Variants in NAA25 observed in about 807,000 individuals in gnomAD.
NAA25 encodes the protein N-alpha-acetyltransferase 25, NatB auxiliary subunit.
In NAA25, 30 loss-of-function variants were observed where a neutral mutation model predicts 132.5. That is an observed-to-expected ratio of 0.23 (90% CI 0.17 to 0.31). The LOEUF is 0.31. NAA25 is among the 10% of genes least tolerant of loss of function. NAA25 has a pLI of 1.00. For missense variants in NAA25, 771 were observed against 1,150.4 expected, an observed-to-expected ratio of 0.67 and a Z score of 4.77; for synonymous variants, 359 against 401.9, an observed-to-expected ratio of 0.89 and a Z score of 1.28.
intron 1 of NAA25, chr12:112,097,540 G>C (rs1293893680): frequency 6.7e-6 from 1 of 150,316 alleles, no homozygotes; most frequent in Non-Finnish European, 1.5e-5. Flanking sequence ...CCTGGAGGCG[G>C]AGGTTTCAGT....
rs3825388 is a variant in NAA25, at chr12:112,048,147, G to A, written c.1880+145C>T. The A allele has an allele frequency of 0.058, 43,036 of 747,752 alleles. 8,823 individuals are homozygous for A. The East Asian group carries it at 0.64, about 11-fold the overall frequency. 46.3% of individuals were successfully genotyped at this position (747,752 alleles called of 1,614,324 possible). The stretch of plus-strand genomic sequence containing the variant: ...TACTCTACCATTCCCCATGACATGT[G>A]CCAAGTTCTGTTTCCCCACTGTCTC... On this transcript the variant is annotated intron_variant, in intron 16 of 23. Transcript: ENST00000261745.
chr12:112,085,289 G>A (rs1032053079), intron 4 of NAA25, among the ~76,000 whole-genome samples: 1 of 151,780 alleles, frequency 6.6e-6, no homozygotes, highest in Non-Finnish European at 1.5e-5. Context: ...CTACTCGGGA[G>A]GCAGAGGCAG....
intron 1 of NAA25, among the ~76,000 whole-genome samples, chr12:112,102,609 C>A (rs2079309601): frequency 6.6e-6 from 1 of 152,108 alleles, no homozygotes; most frequent in Non-Finnish European, 1.5e-5. Flanking sequence ...GCTCTGTTGC[C>A]CAGGCTGGAG....
intron 10 of NAA25, among the ~76,000 whole-genome samples, chr12:112,070,220 A>G (rs925798331): frequency 6.6e-6 from 1 of 152,214 alleles, no homozygotes; most frequent in Non-Finnish European, 1.5e-5. Context: ...TAGTTTTTCC[A>G]GCAAAATTGT....
At chr12:112,070,438 G>C (rs1052601234) in intron 10 of NAA25, among the ~76,000 whole-genome samples, 1 of 152,052 alleles carries the variant, frequency 6.6e-6, no homozygotes, top group African/African-American at 2.4e-5. Context: ...ATATTCTTTT[G>C]TCAATAGTTT....
At chr12:112,030,981 G>C (rs2078142164) in intron 23 of NAA25, among the ~76,000 whole-genome samples, 1 of 150,780 alleles carries the variant, frequency 6.6e-6, no homozygotes, top group Non-Finnish European at 1.5e-5. Context: ...GACTCACTAA[G>C]TGACCCAGGC....
chr12:112,078,514 G>A (rs1212056323), intron 6 of NAA25, 120 bp downstream of exon 6: 5 of 917,464 alleles, frequency 5.4e-6, no homozygotes, highest in Non-Finnish European at 8.3e-6. Flanking sequence ...TTTACCCAAA[G>A]GCCAAAAGTG....
intron 14 of NAA25, 39 bp from the exon 15 acceptor site, chr12:112,053,696 ATACT>A (rs1291136947): frequency 7.0e-7 from 1 of 1,428,590 alleles, no homozygotes; most frequent in Non-Finnish European, 9.7e-7. Flanking sequence ...AAGACATGTT[ATACT>A]TACTTACCTA....
At chr12:112,063,982 T>G (rs569227037) in intron 11 of NAA25, 10 of 151,934 alleles carry the variant, frequency 6.6e-5, no homozygotes, top group Non-Finnish European at 1.3e-4. Context: ...GCTCAAGCAA[T>G]CCTCCTGCTT....
chr12:112,090,498 G>A (rs1014001930), intron 3 of NAA25: 12 of 405,026 alleles, frequency 3.0e-5, no homozygotes, highest in Admixed American at 1.7e-4. Context: ...CCATTTAGCA[G>A]ATCAAAATAT....
intron 1 of NAA25, among the ~76,000 whole-genome samples, chr12:112,104,575 G>A (rs1651431888): frequency 6.6e-6 from 1 of 152,074 alleles, no homozygotes; most frequent in Non-Finnish European, 1.5e-5. Flanking sequence ...AGTGGCTCAC[G>A]CCTGTAATCC....
Position 112,029,226 on chromosome 12 carries a change from C to T in NAA25, c.*305G>A. On this transcript the variant is annotated 3_prime_UTR_variant, in exon 24 of 24. Transcript: ENST00000261745. ...TATTGCTGTTTTTATAGACCCCCCG[C>T]TCCCCTGAAAAGATGTTTCTGGTGA... The T allele has an allele frequency of 3.2e-6, 1 of 311,316 alleles. No individual in the cohort carries two copies. The highest frequency in any genetic ancestry group is 6.0e-6 in the Non-Finnish European group (1 of 167,012). 19.3% of individuals were successfully genotyped at this position (311,316 alleles called of 1,614,324 possible).
In NAA25 at chr12:112,040,911, A is replaced by G. The variant is rs1171990150; in HGVS notation, c.2441-333T>C. Among the ~76,000 whole-genome samples the G allele has an allele frequency of 2.6e-5, 4 of 152,360 alleles. No individual in the cohort carries two copies. The South Asian group carries it at 6.2e-4, about 24-fold the overall frequency. ...AATGATTCAGAGGACTTATGCCATT[A>G]TGGACTGAAAGACCAAAAAAGTACA... On this transcript the variant is annotated intron_variant, in intron 20 of 23. Transcript: ENST00000261745.
intron 1 of NAA25, among the ~76,000 whole-genome samples, chr12:112,096,727 T>A (rs2079217840): frequency 6.6e-6 from 1 of 152,192 alleles, no homozygotes; most frequent in African/African-American, 2.4e-5. Context: ...TTATAAACTA[T>A]CTGACAAAGA....
At chr12:112,073,794 C>T (rs1232112535) in intron 9 of NAA25, among the ~76,000 whole-genome samples, 1 of 151,750 alleles carries the variant, frequency 6.6e-6, no homozygotes, top group Non-Finnish European at 1.5e-5. Context: ...GTAGTACTGC[C>T]TACAATAGCC....
chr12:112,045,794 C>T (rs2078372792), intron 17 of NAA25, among the ~76,000 whole-genome samples: 1 of 151,412 alleles, frequency 6.6e-6, no homozygotes, highest in South Asian at 2.1e-4. Context: ...GACTAGGTCT[C>T]AAAAATAAAA....
At chr12:112,086,632 G>C (rs1240052654) in intron 4 of NAA25, among the ~76,000 whole-genome samples, 2 of 152,100 alleles carry the variant, frequency 1.3e-5, no homozygotes, top group African/African-American at 4.8e-5. Flanking sequence ...GTTATAACTT[G>C]ATATTTAATG....
At chr12:112,090,562 AAACT>A in intron 3 of NAA25, 160 bp downstream of exon 3, 1 of 582,566 alleles carries the variant, frequency 1.7e-6, no homozygotes, top group Non-Finnish European at 2.9e-6. Flanking sequence ...TAATGCATGT[AAACT>A]ATCCTTTCTA....
intron 1 of NAA25, among the ~76,000 whole-genome samples, chr12:112,095,102 G>A (rs539038131): frequency 6.6e-6 from 1 of 152,194 alleles, no homozygotes; most frequent in East Asian, 1.9e-4. Flanking sequence ...AGAAGTACAA[G>A]ACCAGCCCAG....
Sources: allele counts gnomAD v4.1 joint callset (sites outside exome capture counted in the v4.1 genomes callset), GRCh38; gene constraint gnomAD v4.1.1; transcripts MANE v1.5; gene names NCBI Gene and HGNC (gene_info 2026-07-23, HGNC 2026-07-21).